The following DYSF variants were observed in gnomAD, a reference collection of about 807,000 sequenced individuals.
DYSF encodes the protein dystrophy-associated fer-1-like 1.
A neutral mutation model predicts 274.9 loss-of-function variants in DYSF; 212 were observed. That is an observed-to-expected ratio of 0.77 (90% CI 0.69 to 0.86). The LOEUF is 0.86. Ranked by LOEUF, DYSF falls within the 40% of genes least tolerant of loss-of-function variation. DYSF has a pLI of 0.00. For missense variants in DYSF, 2,666 were observed against 2,783.2 expected (o/e 0.96, Z 0.95); for synonymous variants, 1,091 against 1,078.7 (o/e 1.01, Z -0.22).
At chr2:71,678,380 A>G (rs914622508) in intron 52 of DYSF, among the ~76,000 whole-genome samples, 3 of 152,220 alleles carry the variant, frequency 2.0e-5, no homozygotes, top group African/African-American at 7.2e-5. Flanking sequence ...ACTGATATAT[A>G]CAACAAGGAT....
intron 30 of DYSF, among the ~76,000 whole-genome samples, chr2:71,576,650 G>A (rs1239179882): frequency 1.5e-4 from 23 of 152,222 alleles, no homozygotes; most frequent in Admixed American, 1.4e-3. Flanking sequence ...CAGAGCTGAC[G>A]GCTGCCTGCC....
chr2:71,535,881 C>A (rs746455734), intron 16 of DYSF, among the ~76,000 whole-genome samples: 1 of 152,202 alleles, frequency 6.6e-6, no homozygotes, highest in East Asian at 1.9e-4. Flanking sequence ...ATACACCAAA[C>A]CTTGTTCCCA....
chr2:71,557,769 G>C (rs1559152905), intron 22 of DYSF, among the ~76,000 whole-genome samples: 1 of 152,126 alleles, frequency 6.6e-6, no homozygotes, highest in Non-Finnish European at 1.5e-5. Context: ...AAGTAGGCTG[G>C]GTGTGGAGGC....
intron 3 of DYSF, among the ~76,000 whole-genome samples, chr2:71,496,353 G>A (rs2084391117): frequency 6.6e-6 from 1 of 152,010 alleles, no homozygotes; most frequent in Admixed American, 6.6e-5. Flanking sequence ...GGAAGTGCTG[G>A]GGTCAGTGCC....
rs907822658 is a variant in DYSF at position 71,600,692 on chromosome 2, C to T, written c.3757-10C>T. On this transcript the variant is annotated splice_polypyrimidine_tract_variant and intron_variant, in intron 33 of 55. Coordinates refer to ENST00000410020, the MANE Select transcript of DYSF (RefSeq NM_001130987.2). ...GGATGCTGATTCTTGTCTCTCTACG[C>T]TTGGTCTAGGGTGCAGACGAGTTTA... 1.2e-6 allele frequency: 2 copies of T among 1,613,972 alleles called. No individual in the cohort carries two copies. The highest frequency in any genetic ancestry group is 1.3e-5 in the African/African-American group (1 of 74,942).
At chr2:71,533,028 AT>A (rs988472993) in intron 14 of DYSF, among the ~76,000 whole-genome samples, 1 of 150,902 alleles carries the variant, frequency 6.6e-6, no homozygotes, top group Non-Finnish European at 1.5e-5. Flanking sequence ...TTCTTTCTTC[AT>A]TTTTTTTTGA....
chr2:71,490,615 C>G (rs957531488), intron 3 of DYSF, among the ~76,000 whole-genome samples: 1 of 152,260 alleles, frequency 6.6e-6, no homozygotes, highest in Admixed American at 6.5e-5. Flanking sequence ...GCGTGAGCCA[C>G]TGCGCCCGGC....
intron 1 of DYSF, among the ~76,000 whole-genome samples, chr2:71,457,160 A>G (rs1049067361): frequency 8.5e-5 from 13 of 152,320 alleles, no homozygotes; most frequent in Non-Finnish European, 1.3e-4. Context: ...TGCTTATTTT[A>G]AGGCAGATAC....
intron 29 of DYSF, among the ~76,000 whole-genome samples, chr2:71,572,027 T>TACACCTAGCACACCCACAGATC (rs796849213): frequency 0.11 from 6,961 of 61,386 alleles, 382 homozygotes; most frequent in African/African-American, 0.23. Context: ...ACACACACAT[T>TACACCTAGCACACCCACAGATC]ACACCTAGCA....
chr2:71,570,859 C>CA, intron 29 of DYSF, 118 bp downstream of exon 29: 1 of 1,452,060 alleles, frequency 6.9e-7, no homozygotes, highest in Non-Finnish European at 9.3e-7. Context: ...TGCACAGACA[C>CA]CTGGGACTCA....
At chr2:71,627,095 G>T (rs2094219770) in intron 41 of DYSF, among the ~76,000 whole-genome samples, 1 of 150,408 alleles carries the variant, frequency 6.6e-6, no homozygotes, top group Non-Finnish European at 1.5e-5. Flanking sequence ...ATTTTTAGTT[G>T]ATCTTCTCTA....
intron 51 of DYSF, among the ~76,000 whole-genome samples, chr2:71,672,714 C>T (rs1214444624): frequency 1.3e-5 from 2 of 152,250 alleles, no homozygotes; most frequent in Non-Finnish European, 2.9e-5. Context: ...GCCCATAAAC[C>T]AAGCTGGCCA....
At chr2:71,517,157 A>G in intron 10 of DYSF, 118 bp downstream of exon 10, 1 of 1,007,282 alleles carries the variant, frequency 9.9e-7, no homozygotes, top group South Asian at 1.3e-5. Context: ...GGGAAAATAT[A>G]ATTTCAAAGA....
At chr2:71,679,516 C>G (rs942948445) in intron 53 of DYSF, among the ~76,000 whole-genome samples, 7 of 152,054 alleles carry the variant, frequency 4.6e-5, no homozygotes, top group African/African-American at 1.7e-4. Flanking sequence ...TAATAGTGAC[C>G]TGTGTCCTGG....
Position 71,517,520 on chromosome 2 carries a change from G to A in DYSF, c.1002+481G>A, listed in dbSNP as rs1159240807. Among the ~76,000 whole-genome samples the A allele has an allele frequency of 2.0e-5, 3 of 152,086 alleles. 1 individual carries two copies. Among genetic ancestry groups the A allele is most frequent in the South Asian group, 4.2e-4 (2 of 4,818 alleles). On this transcript the variant is annotated intron_variant, in intron 10 of 55. Coordinates refer to ENST00000410020, the MANE Select transcript of DYSF (RefSeq NM_001130987.2). ...GATGTATAGCACCTTTGGTCACACC[G>A]AGTTCATCCCAAAGTCACCTGGTAA... is the stretch of plus-strand genomic sequence containing the variant.
At chr2:71,638,466 AG>A (rs2094439786) in intron 41 of DYSF, among the ~76,000 whole-genome samples, 1 of 152,092 alleles carries the variant, frequency 6.6e-6, no homozygotes, top group African/African-American at 2.4e-5. Context: ...AGTCCTAAAG[AG>A]GTTAAGTAGT....
intron 12 of DYSF, 78 bp downstream of exon 12, chr2:71,520,982 A>AACTC (rs1559067935): frequency 8.1e-7 from 1 of 1,231,564 alleles, no homozygotes; most frequent in Non-Finnish European, 1.2e-6. Flanking sequence ...CACAAACAAA[A>AACTC]ACTCTATTTT....
chr2:71,598,873 T>A, intron 33 of DYSF, 128 bp downstream of exon 33: 2 of 1,096,972 alleles, frequency 1.8e-6, no homozygotes, highest in Non-Finnish European at 2.7e-6. Flanking sequence ...CTAGAACAAT[T>A]AAAATAATTT....
chr2:71,538,466 G>A (rs1019586886), intron 16 of DYSF, among the ~76,000 whole-genome samples: 8 of 152,184 alleles, frequency 5.3e-5, no homozygotes, highest in Non-Finnish European at 1.2e-4. Flanking sequence ...GAGTCAGGAC[G>A]CCAGGGCTTC....
Sources: allele counts gnomAD v4.1 joint callset (sites outside exome capture counted in the v4.1 genomes callset), GRCh38; gene constraint gnomAD v4.1.1; transcripts MANE v1.5; gene names NCBI Gene and HGNC (gene_info 2026-07-23, HGNC 2026-07-21).